DLG5: variants seen among roughly 807,000 people sequenced by gnomAD.
The protein encoded by DLG5 is discs large MAGUK scaffold protein 5.
A neutral mutation model predicts 189.8 loss-of-function variants in DLG5; 48 were observed. The ratio of observed to expected loss-of-function variants is 0.25; its 90% CI spans 0.20 to 0.32. The LOEUF is 0.32. DLG5 is among the 10% of genes least tolerant of loss of function. The probability of loss-of-function intolerance (pLI) is 1.00; values close to 1 mark genes in which losing one functional copy is unlikely to be tolerated. For synonymous variants in DLG5, 1,016 were observed against 1,054.1 expected (o/e 0.96, Z 0.70); for missense variants, 2,160 against 2,544.7 (o/e 0.85, Z 3.25).
intron 1 of DLG5, among the ~76,000 whole-genome samples, chr10:77,893,217 G>C (rs1187030954): frequency 6.6e-6 from 1 of 152,176 alleles, no homozygotes; most frequent in African/African-American, 2.4e-5. Context: ...CTACCCACCA[G>C]TGTCTCAGCA....
chr10:77,906,863 T>C (rs2131822344), intron 1 of DLG5, among the ~76,000 whole-genome samples: 1 of 152,088 alleles, frequency 6.6e-6, no homozygotes, highest in African/African-American at 2.4e-5. Flanking sequence ...CGACCTCAGG[T>C]GATCCACCTG....
chr10:77,927,674 C>T (rs1403057569), upstream of DLG5: 4 of 152,182 alleles, frequency 2.6e-5, no homozygotes, highest in Non-Finnish European at 5.9e-5. Flanking sequence ...AGGCGCTCTC[C>T]CCCTAAATGT....
At chr10:77,876,407 C>A (rs1845091829) in intron 1 of DLG5, among the ~76,000 whole-genome samples, 1 of 147,944 alleles carries the variant, frequency 6.8e-6, no homozygotes. Flanking sequence ...GAGAGTCTCA[C>A]TCTGTTGCCC....
chr10:77,890,274 G>A (rs1845567549), intron 1 of DLG5, among the ~76,000 whole-genome samples: 1 of 152,142 alleles, frequency 6.6e-6, no homozygotes. Context: ...CAGCTGGAGG[G>A]CGCTCTTGAG....
At chr10:77,908,673 AC>A (rs1280506268) in intron 1 of DLG5, among the ~76,000 whole-genome samples, 2 of 151,992 alleles carry the variant, frequency 1.3e-5, no homozygotes, top group Middle Eastern at 3.2e-3. Context: ...TGCCCAGCTC[AC>A]CATACACCCT....
At chr10:77,866,718 G>A (rs1844698137) in intron 2 of DLG5, among the ~76,000 whole-genome samples, 1 of 152,000 alleles carries the variant, frequency 6.6e-6, no homozygotes. Flanking sequence ...ACCCCGCCAT[G>A]AGACTGTGTG....
chr10:77,829,769 C>G (rs1842814829), intron 11 of DLG5, among the ~76,000 whole-genome samples: 1 of 152,214 alleles, frequency 6.6e-6, no homozygotes. Context: ...CTCCAGGCCT[C>G]AGCGTCTTCA....
chr10:77,939,731 G>C, the DLG5 span, among the ~76,000 whole-genome samples: 417 of 152,316 alleles, frequency 2.7e-3, 4 homozygotes, highest in African/African-American at 9.4e-3. Flanking sequence ...TCACTTTCCA[G>C]CTGGGAGCCA....
At chr10:77,865,427 TGA>T (rs1844635408) in intron 2 of DLG5, among the ~76,000 whole-genome samples, 1 of 152,134 alleles carries the variant, frequency 6.6e-6, no homozygotes, top group South Asian at 2.1e-4. Flanking sequence ...CCCTGGGATA[TGA>T]GAGAAGCCCT....
chr10:77,847,260 G>T (rs1245172188), intron 5 of DLG5, among the ~76,000 whole-genome samples: 2 of 152,134 alleles, frequency 1.3e-5, no homozygotes, highest in African/African-American at 4.8e-5. Context: ...CGTACTGCTT[G>T]CTTCCACCAC....
At chr10:77,822,169 C>T in intron 14 of DLG5, 68 bp from the exon 15 acceptor site, 1 of 1,540,032 alleles carries the variant, frequency 6.5e-7, no homozygotes, top group Admixed American at 1.9e-5. Context: ...CCACTGAAAA[C>T]CATCCCCAGA....
chr10:77,852,492 C>T (rs1844028822), intron 5 of DLG5, among the ~76,000 whole-genome samples: 1 of 151,958 alleles, frequency 6.6e-6, no homozygotes, highest in Non-Finnish European at 1.5e-5. Flanking sequence ...CTTGGCTCAC[C>T]GCATGCTCTG....
chr10:77,821,943 G>A lies in DLG5; in HGVS notation c.2541C>T (p.Phe847=), dbSNP rs41274590. 1.2e-6 allele frequency: 2 copies of A among 1,614,158 alleles called. No individual in the cohort carries two copies. Among genetic ancestry groups the A allele is most frequent in the Admixed American group, 3.3e-5 (2 of 60,018 alleles). ...QHNNSTQTDI[F]YTDRLEDRKE... ...TCCTGTCTTCCAGCCTGTCCGTGTA[G>A]AAGATGTCTGTCTGCGTGGAGTTAT... Residue 847 remains phenylalanine (F), a synonymous_variant, in exon 15 of 32, where the codon TTC becomes TTT. Coordinates refer to ENST00000372391, the MANE Select transcript of DLG5 (RefSeq NM_004747.4).
upstream of DLG5, among the ~76,000 whole-genome samples, chr10:77,931,538 C>A (rs1846786306): frequency 6.6e-6 from 1 of 152,092 alleles, no homozygotes; most frequent in Non-Finnish European, 1.5e-5. Flanking sequence ...ACATTAGCCA[C>A]CATGCCCCAC....
intron 1 of DLG5, among the ~76,000 whole-genome samples, chr10:77,909,496 A>C (rs1267129276): frequency 4.6e-5 from 7 of 152,000 alleles, no homozygotes; most frequent in Admixed American, 4.6e-4. Context: ...CCAGAACTTA[A>C]AGGTATTAAA....
chr10:77,892,832 A>C (rs1171390000), intron 1 of DLG5, among the ~76,000 whole-genome samples: 1 of 152,250 alleles, frequency 6.6e-6, no homozygotes, highest in African/African-American at 2.4e-5. Flanking sequence ...AGTTTTTAAA[A>C]TGAAAATAAA....
chr10:77,835,766 T>C lies in DLG5; in HGVS notation c.1594A>G (p.Lys532Glu). The C allele has an allele frequency of 6.2e-7, 1 of 1,613,310 alleles. No homozygotes were observed. The highest frequency in any genetic ancestry group is 8.5e-7 in the Non-Finnish European group (1 of 1,179,892). Reference protein sequence around the residue: ...RRDWAFQERDKIVAERDSIRT... With the variant: ...RRDWAFQERDEIVAERDSIRT... ...ATGCTGTCACGCTCTGCTACAATCT[T>C]GTCTCGCTCCTGGAAGGCCCAGTCC... The change falls in exon 8 of 32, where the codon AAG becomes GAG. Residue 532 changes from lysine (K) to glutamate (E), a missense_variant. Physicochemically the swap from Lys to Glu is moderately conservative, Grantham distance 56. This residue lies in a region of DLG5 where 664 missense variants were observed against 838.5 expected (regional missense o/e 0.79). Coordinates refer to ENST00000372391, the MANE Select transcript of DLG5 (RefSeq NM_004747.4).
At chr10:77,835,970 G>A (rs1157431176) in intron 7 of DLG5, 48 bp from the exon 8 acceptor site, 1 of 1,574,144 alleles carries the variant, frequency 6.4e-7, no homozygotes, top group South Asian at 1.2e-5. Flanking sequence ...TGAGCCTCAT[G>A]GACCAGGAGC....
rs922666978 is a variant in DLG5 at position 77,816,908 on chromosome 10, G to A, written c.3874+99C>T. 1.9e-5 allele frequency: 27 copies of A among 1,451,952 alleles called. No individual in the cohort carries two copies. In the African/African-American group the frequency reaches 3.6e-4, roughly 20 times the overall value. 89.9% of individuals were successfully genotyped at this position (1,451,952 alleles called of 1,614,324 possible). On this transcript the variant is annotated intron_variant, in intron 19 of 31. Coordinates refer to ENST00000372391, the MANE Select transcript of DLG5 (RefSeq NM_004747.4). The stretch of plus-strand genomic sequence containing the variant: ...CTCAGTGAATTTTTACTGACTGACT[G>A]AGATGACTATGAAGTTCTCAGCTAA...
Sources: gnomAD v4.1 joint callset for allele counts (sites outside exome capture counted in the v4.1 genomes callset) on GRCh38, gnomAD v4.1.1 for gene constraint, gnomAD v4.1.1 regional missense constraint, MANE v1.5 for transcripts, NCBI Gene and HGNC (gene_info 2026-07-23, HGNC 2026-07-21) for gene names.